The following LRRTM4 variants were observed in gnomAD, a reference collection of about 807,000 sequenced individuals.
LRRTM4 encodes leucine-rich repeat transmembrane neuronal protein 4.
LRRTM4 carries 25 observed loss-of-function variants against 47.6 expected under a neutral mutation model. That is an observed-to-expected ratio of 0.53 (90% CI 0.38 to 0.73). LRRTM4 has a LOEUF of 0.73. Ranked by LOEUF, LRRTM4 falls within the 30% of genes least tolerant of loss-of-function variation. The pLI, the probability that LRRTM4 is intolerant of heterozygous loss-of-function variation, is 0.00. For synonymous variants in LRRTM4, 311 were observed against 269.5 expected (o/e 1.15, Z -1.51); for missense variants, 638 against 713.4 (o/e 0.89, Z 1.20).
At chr2:77,321,560 G>GT (rs1336969193) in intron 3 of LRRTM4, among the ~76,000 whole-genome samples, 1 of 101,652 alleles carries the variant, frequency 9.8e-6, no homozygotes, top group Non-Finnish European at 1.8e-5. Flanking sequence ...GGAGGGGGGG[G>GT]GGTGTGTGAA....
chr2:76,792,708 G>A (rs1391140423), intron 3 of LRRTM4, among the ~76,000 whole-genome samples: 1 of 151,860 alleles, frequency 6.6e-6, no homozygotes, highest in East Asian at 1.9e-4. Flanking sequence ...AATTCTTTGT[G>A]CCACTCTCCC....
At chr2:77,331,372 T>G (rs889389687) in intron 3 of LRRTM4, among the ~76,000 whole-genome samples, 30 of 152,264 alleles carry the variant, frequency 2.0e-4, no homozygotes, top group Middle Eastern at 3.4e-3. Flanking sequence ...CCCTTCATTG[T>G]GCCAAGCAGT....
At chr2:76,946,645 T>C (rs1348807823) in intron 3 of LRRTM4, among the ~76,000 whole-genome samples, 1 of 151,796 alleles carries the variant, frequency 6.6e-6, no homozygotes, top group Non-Finnish European at 1.5e-5. Context: ...CCAGCTTCAA[T>C]TGAAGGAATA....
intron 3 of LRRTM4, among the ~76,000 whole-genome samples, chr2:76,933,769 A>C (rs1249138885): frequency 6.6e-6 from 1 of 152,120 alleles, no homozygotes; most frequent in Non-Finnish European, 1.5e-5. Context: ...CTGAGCACAG[A>C]ATTAGTATCA....
chr2:76,961,163 ACTAT>A (rs1454548902), intron 3 of LRRTM4, among the ~76,000 whole-genome samples: 2 of 151,404 alleles, frequency 1.3e-5, no homozygotes, highest in Admixed American at 6.6e-5. Flanking sequence ...GGCTTTCCTA[ACTAT>A]CTAACGTTGT....
intron 3 of LRRTM4, among the ~76,000 whole-genome samples, chr2:77,045,336 T>C (rs1679198705): frequency 6.6e-6 from 1 of 151,868 alleles, no homozygotes; most frequent in South Asian, 2.1e-4. Flanking sequence ...TTATCTATTA[T>C]TTATTTTTAT....
intron 3 of LRRTM4, among the ~76,000 whole-genome samples, chr2:77,341,580 G>C (rs1192694864): frequency 2.0e-5 from 3 of 152,046 alleles, no homozygotes; most frequent in Non-Finnish European, 4.4e-5. Context: ...TGCCCTACGA[G>C]ACAAGAACCA....
chr2:76,879,998 A>G (rs774062734), intron 3 of LRRTM4, among the ~76,000 whole-genome samples: 22 of 152,250 alleles, frequency 1.4e-4, no homozygotes, highest in Admixed American at 5.9e-4. Context: ...ATAAAATTTC[A>G]GTGAATGAGG....
intron 3 of LRRTM4, among the ~76,000 whole-genome samples, chr2:76,880,671 G>T (rs921280885): frequency 6.6e-6 from 1 of 152,124 alleles, no homozygotes; most frequent in African/African-American, 2.4e-5. Flanking sequence ...GGGGCCAGAA[G>T]AAGTCAGGTG....
At chr2:77,239,582 A>T (rs1175490519) in intron 3 of LRRTM4, among the ~76,000 whole-genome samples, 1 of 151,956 alleles carries the variant, frequency 6.6e-6, no homozygotes, top group Non-Finnish European at 1.5e-5. Flanking sequence ...TTCAAAGCAA[A>T]AAATAAGAAA....
chr2:76,780,437 T>A (rs1260673167), intron 3 of LRRTM4, among the ~76,000 whole-genome samples: 1 of 152,166 alleles, frequency 6.6e-6, no homozygotes, highest in Non-Finnish European at 1.5e-5. Context: ...TAGTCCCATA[T>A]TTCTTGGAGG....
At chr2:76,941,605 G>A (rs761489191) in intron 3 of LRRTM4, among the ~76,000 whole-genome samples, 27 of 152,100 alleles carry the variant, frequency 1.8e-4, no homozygotes, top group Non-Finnish European at 3.2e-4. Context: ...AAAAATAATG[G>A]TTTCCAGGTC....
chr2:76,808,917 T>G (rs184199361), intron 3 of LRRTM4, among the ~76,000 whole-genome samples: 59 of 152,254 alleles, frequency 3.9e-4, no homozygotes, highest in Admixed American at 3.8e-3. Flanking sequence ...GCAGAGACAG[T>G]AAAGAATTCA....
chr2:77,444,662 C>G (rs1339465074), intron 3 of LRRTM4, among the ~76,000 whole-genome samples: 1 of 151,862 alleles, frequency 6.6e-6, no homozygotes, highest in Non-Finnish European at 1.5e-5. Flanking sequence ...ATATAAAAAT[C>G]TTTTAATATT....
intron 3 of LRRTM4, among the ~76,000 whole-genome samples, chr2:76,799,185 T>A (rs927532503): frequency 3.9e-5 from 5 of 129,624 alleles, no homozygotes; most frequent in Non-Finnish European, 6.3e-5. Flanking sequence ...TGATGAACAT[T>A]GATGCAAAAA....
chr2:76,975,175 C>A (rs902328336), intron 3 of LRRTM4, among the ~76,000 whole-genome samples: 1 of 151,610 alleles, frequency 6.6e-6, no homozygotes, highest in East Asian at 1.9e-4. Flanking sequence ...GCTAGGAAAA[C>A]CCATAATTTG....
chr2:76,801,442 C>T (rs1393381881), intron 3 of LRRTM4, among the ~76,000 whole-genome samples: 2 of 151,900 alleles, frequency 1.3e-5, no homozygotes, highest in Non-Finnish European at 2.9e-5. Flanking sequence ...CATATTCTCA[C>T]TCATAGGTGG....
chr2:77,103,661 A>ATC (rs1403228178), intron 3 of LRRTM4, among the ~76,000 whole-genome samples: 2 of 145,198 alleles, frequency 1.4e-5, no homozygotes, highest in East Asian at 2.1e-4. Context: ...ATATATATAT[A>ATC]TAGATATATA....
intron 3 of LRRTM4, among the ~76,000 whole-genome samples, chr2:76,922,834 C>T (rs1322668652): frequency 2.0e-5 from 3 of 152,006 alleles, no homozygotes; most frequent in Admixed American, 1.3e-4. Flanking sequence ...TACAGGAAGC[C>T]AGCAGGAAAA....
Sources: allele counts gnomAD v4.1 joint callset (sites outside exome capture counted in the v4.1 genomes callset), GRCh38; gene constraint gnomAD v4.1.1; transcripts MANE v1.5; gene names NCBI Gene and HGNC (gene_info 2026-07-23, HGNC 2026-07-21).